KIF6: variants seen among roughly 807,000 people sequenced by gnomAD.
The protein encoded by KIF6 is kinesin family member 6.
A neutral mutation model predicts 112.7 loss-of-function variants in KIF6; 106 were observed. The observed-to-expected ratio is 0.94, with a 90% CI of 0.80 to 1.11. The LOEUF (loss-of-function observed/expected upper bound fraction) is 1.11. Among genes scored for constraint, KIF6 ranks in the 50% least tolerant of loss-of-function variants. The probability of loss-of-function intolerance (pLI) is 0.00; values close to 1 mark genes in which losing one functional copy is unlikely to be tolerated. For synonymous variants in KIF6, 339 were observed against 339.9 expected, an observed-to-expected ratio of 1.00 and a Z score of 0.03; for missense variants, 929 against 964.0, an observed-to-expected ratio of 0.96 and a Z score of 0.48.
chr6:39,390,705 A>T (rs1767809204), intron 15 of KIF6, among the ~76,000 whole-genome samples: 1 of 152,196 alleles, frequency 6.6e-6, no homozygotes, highest in Non-Finnish European at 1.5e-5. Flanking sequence ...TAATATAAAC[A>T]TCAGTTGTAG....
rs146205513 is a variant in KIF6, at chr6:39,486,254, A to G, written c.1645+53749T>C. The stretch of plus-strand genomic sequence containing the variant: ...CCATTTCTTTCCTCTGGGAAACTTG[A>G]GCTTCCATGTAAATGGTCTGACTAC... On this transcript the variant is annotated intron_variant, in intron 13 of 22. Coordinates refer to ENST00000287152, the MANE Select transcript of KIF6 (RefSeq NM_145027.6). 1.9e-3 allele frequency among the ~76,000 whole-genome samples: 288 copies of G among 152,236 alleles called. 2 individuals carry two copies. The highest frequency in any genetic ancestry group is 6.8e-3 in the African/African-American group (282 of 41,528).
At chr6:39,692,647 A>G (rs1433699652) in intron 3 of KIF6, among the ~76,000 whole-genome samples, 1 of 152,244 alleles carries the variant, frequency 6.6e-6, no homozygotes, top group Non-Finnish European at 1.5e-5. Context: ...TGGTTATATC[A>G]TTGAGATACT....
chr6:39,632,151 G>A (rs1265650223), intron 5 of KIF6, among the ~76,000 whole-genome samples: 1 of 150,372 alleles, frequency 6.7e-6, no homozygotes, highest in Non-Finnish European at 1.5e-5. Context: ...TTCTGCAAGA[G>A]CAGGCAAGTG....
At chr6:39,399,943 G>A (rs1351040962) in intron 15 of KIF6, among the ~76,000 whole-genome samples, 1 of 152,244 alleles carries the variant, frequency 6.6e-6, no homozygotes, top group Non-Finnish European at 1.5e-5. Context: ...AGCGTGCCCA[G>A]CAGGCAGCAG....
chr6:39,707,722 T>G (rs929802281), intron 3 of KIF6, among the ~76,000 whole-genome samples: 6 of 152,218 alleles, frequency 3.9e-5, no homozygotes, highest in South Asian at 4.1e-4. Context: ...GCAAAGAAAT[T>G]AAAGATTTCT....
chr6:39,446,302 T>C (rs1044544976), intron 13 of KIF6, among the ~76,000 whole-genome samples: 19 of 152,186 alleles, frequency 1.2e-4, no homozygotes, highest in African/African-American at 4.3e-4. Context: ...TCCAATGCCT[T>C]TGTAATGATG....
At chr6:39,495,607 G>A (rs546048852) in intron 13 of KIF6, among the ~76,000 whole-genome samples, 1 of 152,330 alleles carries the variant, frequency 6.6e-6, no homozygotes, top group Admixed American at 6.5e-5. Context: ...GTGGGGTGGT[G>A]CTATGATCAA....
At chr6:39,509,180 T>G (rs1186068944) in intron 13 of KIF6, among the ~76,000 whole-genome samples, 1 of 152,100 alleles carries the variant, frequency 6.6e-6, no homozygotes, top group Non-Finnish European at 1.5e-5. Context: ...AGGAATAGCA[T>G]CAACGTCAAC....
At chr6:39,355,295 A>AT (rs964220015) in intron 19 of KIF6, among the ~76,000 whole-genome samples, 1 of 151,814 alleles carries the variant, frequency 6.6e-6, no homozygotes, top group Non-Finnish European at 1.5e-5. Flanking sequence ...TACATTAAAC[A>AT]TTTTTTTTCT....
chr6:39,363,722 T>C (rs897515448), intron 16 of KIF6, among the ~76,000 whole-genome samples: 4 of 152,194 alleles, frequency 2.6e-5, no homozygotes, highest in African/African-American at 7.2e-5. Context: ...CCTTATAGCA[T>C]TTATTTGTGG....
chr6:39,664,563 A>T (rs1786348205), intron 3 of KIF6, among the ~76,000 whole-genome samples: 1 of 152,200 alleles, frequency 6.6e-6, no homozygotes, highest in Non-Finnish European at 1.5e-5. Flanking sequence ...TTAGATATGT[A>T]AAGAAGGAAC....
intron 13 of KIF6, among the ~76,000 whole-genome samples, chr6:39,536,971 A>T (rs944714808): frequency 1.1e-4 from 16 of 152,304 alleles, no homozygotes; most frequent in African/African-American, 3.1e-4. Flanking sequence ...AAACCACATG[A>T]TTATCTCAAT....
At chr6:39,443,647 T>C (rs11754299) in intron 13 of KIF6, among the ~76,000 whole-genome samples, 3,387 of 152,248 alleles carry the variant, frequency 0.022, 67 homozygotes, top group Non-Finnish European at 0.029. Context: ...TTTCGCCATG[T>C]TGGCCAGACT....
At chr6:39,446,079 G>C (rs1392390153) in intron 13 of KIF6, among the ~76,000 whole-genome samples, 56 of 152,186 alleles carry the variant, frequency 3.7e-4, no homozygotes, top group Admixed American at 3.7e-3. Context: ...CTGTTCAGTG[G>C]TGGGGGAAAG....
chr6:39,339,352 G>C (rs1051136604), intron 22 of KIF6, among the ~76,000 whole-genome samples: 3 of 152,100 alleles, frequency 2.0e-5, no homozygotes, highest in African/African-American at 7.2e-5. Context: ...GGGAGGCTTG[G>C]GGAGGTGACC....
At chr6:39,393,194 A>G (rs73735526) in intron 15 of KIF6, among the ~76,000 whole-genome samples, 8,383 of 152,248 alleles carry the variant, frequency 0.055, 727 homozygotes, top group African/African-American at 0.19. Context: ...TATCAGTCAT[A>G]AGAAGACAAA....
chr6:39,665,823 C>T (rs548747745), intron 3 of KIF6, among the ~76,000 whole-genome samples: 1 of 152,084 alleles, frequency 6.6e-6, no homozygotes, highest in African/African-American at 2.4e-5. Flanking sequence ...CATGCACAAA[C>T]ATGAAGAGTG....
intron 5 of KIF6, among the ~76,000 whole-genome samples, chr6:39,628,248 G>GTC (rs1435245986): frequency 6.7e-6 from 1 of 149,938 alleles, no homozygotes; most frequent in African/African-American, 2.5e-5. Context: ...TCATTTACGT[G>GTC]TGTGTGTGTG....
chr6:39,486,611 C>T lies in KIF6; in HGVS notation c.1645+53392G>A, dbSNP rs529648719. 2.6e-5 allele frequency among the ~76,000 whole-genome samples: 4 copies of T among 152,286 alleles called. No homozygotes were observed. The South Asian group carries it at 6.2e-4, about 24-fold the overall frequency. On this transcript the variant is annotated intron_variant, in intron 13 of 22. Transcript: ENST00000287152. ...TTGGAACAGTGTTCATCAAATTTTT[C>T]GACTGAGATGCACAGAAAGAAATAC...
Sources: allele counts gnomAD v4.1 joint callset (sites outside exome capture counted in the v4.1 genomes callset), GRCh38; gene constraint gnomAD v4.1.1; transcripts MANE v1.5; gene names NCBI Gene and HGNC (gene_info 2026-07-23, HGNC 2026-07-21).